Variants in INSL6 observed in about 807,000 individuals in gnomAD.
INSL6 encodes the protein insulin like 6, also known as insulin-like peptide INSL6.
In INSL6, 16 loss-of-function variants were observed where a neutral mutation model predicts 9.4. That is an observed-to-expected ratio of 1.70 (90% CI 1.15 to 2.59). The LOEUF is 2.59. Ranked by LOEUF, INSL6 falls within the 30% of genes most tolerant of loss-of-function variation. INSL6 has a pLI of 0.00. For missense variants in INSL6, 391 were observed against 257.3 expected, an observed-to-expected ratio of 1.52 and a Z score of -3.56; for synonymous variants, 154 against 96.9, an observed-to-expected ratio of 1.59 and a Z score of -3.46.
At chr9:5,044,846 A>G in the INSL6 span, among the ~76,000 whole-genome samples, 1 of 152,212 alleles carries the variant, frequency 6.6e-6, no homozygotes, top group African/African-American at 2.4e-5. Flanking sequence ...TGGCTAAAAT[A>G]TTAGTAACAT....
the INSL6 span, among the ~76,000 whole-genome samples, chr9:5,033,297 C>T: frequency 4.6e-5 from 7 of 152,116 alleles, no homozygotes; most frequent in Non-Finnish European, 8.8e-5. Context: ...GAGAATGGAA[C>T]CAAGTTGGAA....
At chr9:5,131,329 G>C (rs1193278717) in intron 3 of INSL6, among the ~76,000 whole-genome samples, 1 of 151,164 alleles carries the variant, frequency 6.6e-6, no homozygotes, top group Non-Finnish European at 1.5e-5. Flanking sequence ...TAACATTTAA[G>C]ACCCCTCAAT....
chr9:5,167,450 T>A (rs1282021084), intron 1 of INSL6, among the ~76,000 whole-genome samples: 1 of 152,208 alleles, frequency 6.6e-6, no homozygotes, highest in African/African-American at 2.4e-5. Flanking sequence ...CCAGTGCAGT[T>A]TGGATGGGGA....
intron 2 of INSL6, among the ~76,000 whole-genome samples, chr9:5,149,289 G>C (rs1005540085): frequency 6.6e-6 from 1 of 152,154 alleles, no homozygotes; most frequent in African/African-American, 2.4e-5. Context: ...CTCAGCAACT[G>C]TATCTTTTTT....
chr9:5,005,204 C>A, the INSL6 span, among the ~76,000 whole-genome samples: 21 of 144,396 alleles, frequency 1.5e-4, no homozygotes, highest in Admixed American at 1.5e-3. Flanking sequence ...CCCACCTTGG[C>A]CTCCCAAAGT....
At chr9:5,161,449 A>G (rs1438189382), downstream of INSL6, among the ~76,000 whole-genome samples, 2 of 152,232 alleles carry the variant, frequency 1.3e-5, no homozygotes, top group East Asian at 1.9e-4. Flanking sequence ...AAAGCCATAT[A>G]TGATAGACCC....
chr9:5,010,698 T>A, the INSL6 span, among the ~76,000 whole-genome samples: 1 of 152,216 alleles, frequency 6.6e-6, no homozygotes, highest in Non-Finnish European at 1.5e-5. Context: ...ATTTTTGAGC[T>A]CTTCATTCCT....
At chr9:5,144,529 T>C (rs1282901482) in intron 2 of INSL6, among the ~76,000 whole-genome samples, 1 of 152,216 alleles carries the variant, frequency 6.6e-6, no homozygotes, top group Non-Finnish European at 1.5e-5. Flanking sequence ...GTTCAGGTCC[T>C]GTATATCTTT....
At chr9:5,097,394 T>C in the INSL6 span, 1 of 152,196 alleles carries the variant, frequency 6.6e-6, no homozygotes, top group Non-Finnish European at 1.5e-5. Flanking sequence ...TATATCCTTA[T>C]TCTATCAGGC....
chr9:5,098,295 G>C, the INSL6 span: 4 of 152,230 alleles, frequency 2.6e-5, no homozygotes, highest in East Asian at 7.7e-4. Context: ...AATTCATTAC[G>C]TAACTTTGTC....
At chr9:4,994,172 T>G in the INSL6 span, among the ~76,000 whole-genome samples, 2 of 152,216 alleles carry the variant, frequency 1.3e-5, no homozygotes, top group Non-Finnish European at 2.9e-5. Flanking sequence ...TACTTAGAAG[T>G]TTGATGATGT....
chr9:5,015,368 A>G, the INSL6 span, among the ~76,000 whole-genome samples: 3 of 152,236 alleles, frequency 2.0e-5, no homozygotes, highest in Non-Finnish European at 2.9e-5. Flanking sequence ...TAATGAAATT[A>G]AAATGATTTT....
chr9:5,103,191 T>G, the INSL6 span, among the ~76,000 whole-genome samples: 4 of 81,648 alleles, frequency 4.9e-5, no homozygotes, highest in Admixed American at 5.9e-4. Flanking sequence ...AATAAAGGGA[T>G]GGAGGAAGAT....
chr9:5,128,439 A>C (rs1426062868), intron 3 of INSL6, among the ~76,000 whole-genome samples: 3 of 151,852 alleles, frequency 2.0e-5, no homozygotes, highest in Non-Finnish European at 4.4e-5. Flanking sequence ...CAACACAGTA[A>C]GGAGATCTTC....
Sources: allele counts gnomAD v4.1 joint callset (sites outside exome capture counted in the v4.1 genomes callset), GRCh38; gene constraint gnomAD v4.1.1; transcripts MANE v1.5; gene names NCBI Gene and HGNC (gene_info 2026-07-23, HGNC 2026-07-21).